CACNA2D3: variants seen among roughly 807,000 people sequenced by gnomAD.
The protein encoded by CACNA2D3 is voltage-dependent calcium channel subunit alpha-2/delta-3.
A neutral mutation model predicts 160.6 loss-of-function variants in CACNA2D3; 60 were observed. The observed-to-expected ratio is 0.37, with a 90% CI of 0.30 to 0.46. CACNA2D3 has a LOEUF of 0.46. Among genes scored for constraint, CACNA2D3 ranks in the 20% least tolerant of loss-of-function variants. The pLI, the probability that CACNA2D3 is intolerant of heterozygous loss-of-function variation, is 1.00. For synonymous variants in CACNA2D3, 558 were observed against 492.9 expected (o/e 1.13, Z -1.75); for missense variants, 1,205 against 1,365.0 (o/e 0.88, Z 1.85).
At chr3:54,752,454 A>G (rs1669913162) in intron 11 of CACNA2D3, 145 bp from the exon 12 acceptor site, 1 of 620,690 alleles carries the variant, frequency 1.6e-6, no homozygotes, top group Admixed American at 2.5e-5. Context: ...AGCTGACTAT[A>G]CTTCAGATGT....
At chr3:54,806,559 C>A (rs1183841054) in intron 13 of CACNA2D3, among the ~76,000 whole-genome samples, 1 of 151,758 alleles carries the variant, frequency 6.6e-6, no homozygotes, top group East Asian at 1.9e-4. Flanking sequence ...AAAGAGGATA[C>A]AAACAAATGG....
intron 35 of CACNA2D3, among the ~76,000 whole-genome samples, chr3:55,069,041 C>T (rs2107230958): frequency 6.6e-6 from 1 of 152,216 alleles, no homozygotes; most frequent in Non-Finnish European, 1.5e-5. Context: ...TTACCCATGT[C>T]CTAGTCAAAT....
chr3:54,309,401 T>C (rs1335244811), intron 2 of CACNA2D3, among the ~76,000 whole-genome samples: 3 of 152,216 alleles, frequency 2.0e-5, no homozygotes, highest in Non-Finnish European at 4.4e-5. Flanking sequence ...GTTGACTCTG[T>C]TGAACAGGAA....
At chr3:54,588,181 C>T (rs1702797493) in intron 9 of CACNA2D3, among the ~76,000 whole-genome samples, 1 of 152,130 alleles carries the variant, frequency 6.6e-6, no homozygotes, top group East Asian at 1.9e-4. Context: ...TCAATGTAAT[C>T]TACTATATCA....
chr3:54,179,764 T>C (rs1700746490), intron 2 of CACNA2D3, among the ~76,000 whole-genome samples: 1 of 152,146 alleles, frequency 6.6e-6, no homozygotes, highest in South Asian at 2.1e-4. Context: ...GAGGACACAA[T>C]GAGAAGGTGG....
chr3:54,236,721 G>A (rs145123697), intron 2 of CACNA2D3, among the ~76,000 whole-genome samples: 15 of 152,274 alleles, frequency 9.9e-5, no homozygotes, highest in Non-Finnish European at 2.2e-4. Context: ...TTCCAAGGGG[G>A]CCAAACTAAA....
At chr3:54,143,233 T>A (rs1699969439) in intron 2 of CACNA2D3, among the ~76,000 whole-genome samples, 1 of 152,226 alleles carries the variant, frequency 6.6e-6, no homozygotes. Flanking sequence ...TCAACACAAA[T>A]GCTGAGTTCA....
chr3:54,998,386 G>T (rs1702904931), intron 31 of CACNA2D3, among the ~76,000 whole-genome samples: 1 of 152,112 alleles, frequency 6.6e-6, no homozygotes, highest in Admixed American at 6.5e-5. Context: ...GGCCCACCTT[G>T]GCTTCTCAAA....
At chr3:54,988,339 A>G (rs1389563675) in intron 31 of CACNA2D3, among the ~76,000 whole-genome samples, 1 of 152,188 alleles carries the variant, frequency 6.6e-6, no homozygotes, top group Non-Finnish European at 1.5e-5. Context: ...GATCCTGAAT[A>G]AAGCTTGTGT....
At chr3:54,924,435 GA>G (rs1436529392) in intron 27 of CACNA2D3, among the ~76,000 whole-genome samples, 1 of 152,162 alleles carries the variant, frequency 6.6e-6, no homozygotes, top group Non-Finnish European at 1.5e-5. Flanking sequence ...TTTCGAACCT[GA>G]ATTTAAACAC....
intron 3 of CACNA2D3, among the ~76,000 whole-genome samples, chr3:54,380,694 C>T (rs1352765289): frequency 6.6e-6 from 1 of 151,970 alleles, no homozygotes; most frequent in Admixed American, 6.5e-5. Flanking sequence ...CCGAGATCAC[C>T]TGGGCAATAG....
At chr3:54,349,762 T>A (rs577708296) in intron 3 of CACNA2D3, among the ~76,000 whole-genome samples, 1 of 152,184 alleles carries the variant, frequency 6.6e-6, no homozygotes, top group African/African-American at 2.4e-5. Flanking sequence ...GGGGATGTAG[T>A]GCGCATCTGT....
intron 35 of CACNA2D3, among the ~76,000 whole-genome samples, chr3:55,036,531 G>C (rs1186905364): frequency 2.0e-5 from 3 of 151,634 alleles, no homozygotes; most frequent in African/African-American, 7.3e-5. Flanking sequence ...CCAGTGGCGC[G>C]ATCTTGGCTC....
intron 2 of CACNA2D3, among the ~76,000 whole-genome samples, chr3:54,131,339 C>G (rs1020938379): frequency 2.0e-5 from 3 of 152,198 alleles, no homozygotes; most frequent in Admixed American, 6.5e-5. Context: ...TCCCTTCTCC[C>G]TGAGCATGGG....
chr3:54,760,519 G>A lies in CACNA2D3; in HGVS notation c.1247-3699G>A, dbSNP rs1031936570. On this transcript the variant is annotated intron_variant, in intron 12 of 37. Transcript: ENST00000474759. ...TTAACTCTAAATATAAGCTATTGTA[G>A]GATTTCAACCAGGAAGATGATGATT... 5.3e-5 allele frequency among the ~76,000 whole-genome samples: 8 copies of A among 152,112 alleles called. No individual in the cohort carries two copies. In the East Asian group the frequency reaches 1.2e-3, roughly 22 times the overall value.
chr3:54,777,777 C>A (rs1157044409), intron 13 of CACNA2D3, among the ~76,000 whole-genome samples: 1 of 152,120 alleles, frequency 6.6e-6, no homozygotes, highest in African/African-American at 2.4e-5. Context: ...CAATGGACCC[C>A]CATGGTATTC....
intron 34 of CACNA2D3, among the ~76,000 whole-genome samples, chr3:55,012,327 G>C (rs1377437185): frequency 6.6e-6 from 1 of 152,086 alleles, no homozygotes; most frequent in African/African-American, 2.4e-5. Context: ...CGAAATGTCT[G>C]GTTATTTCTT....
At chr3:54,817,013 C>T (rs1703473112) in intron 14 of CACNA2D3, 143 bp downstream of exon 14, 1 of 942,250 alleles carries the variant, frequency 1.1e-6, no homozygotes, top group African/African-American at 1.6e-5. Context: ...TGGGCAGGAA[C>T]AGAGAGGCCA....
chr3:54,762,217 T>A (rs543805582), intron 12 of CACNA2D3, among the ~76,000 whole-genome samples: 1 of 152,290 alleles, frequency 6.6e-6, no homozygotes, highest in East Asian at 1.9e-4. Flanking sequence ...TTATGTCATC[T>A]TAACTCTACC....
Sources: allele counts gnomAD v4.1 joint callset (sites outside exome capture counted in the v4.1 genomes callset), GRCh38; gene constraint gnomAD v4.1.1; transcripts MANE v1.5; gene names NCBI Gene and HGNC (gene_info 2026-07-23, HGNC 2026-07-21).